The following HEPH variants were observed in gnomAD, a reference collection of about 807,000 sequenced individuals.
The protein encoded by HEPH is hephaestin.
HEPH carries 69 observed loss-of-function variants against 80.8 expected under a neutral mutation model. The ratio of observed to expected loss-of-function variants is 0.85; its 90% confidence interval spans 0.70 to 1.04. The LOEUF (loss-of-function observed/expected upper bound fraction) is 1.04, where lower values mean the gene tolerates loss of function less well. HEPH is among the 50% of genes least tolerant of loss of function. HEPH has a pLI of 0.00. For missense variants in HEPH, 1,115 were observed against 891.3 expected, an observed-to-expected ratio of 1.25 and a Z score of -3.20; for synonymous variants, 431 against 322.8, an observed-to-expected ratio of 1.34 and a Z score of -3.60.
Position 66,203,390 on chromosome X carries a change from G to A in HEPH, c.2104G>A (p.Gly702Ser), listed in dbSNP as rs1193730743. Residue 702 changes from glycine to serine, a missense_variant, in exon 13 of 21, where the codon GGC (glycine) becomes AGC (serine). By Grantham distance (56) the Gly-to-Ser change is moderately conservative. Transcript: ENST00000343002. ...LGTFEIYCQA[G>S]SHREAGMRAI... ...GACATTTGAGATTTATTGCCAGGCA[G>A]GCAGCCATCGAGAAGCAGGGATGAG... is the stretch of plus-strand genomic sequence containing the variant. 1.7e-6 allele frequency: 2 copies of A among 1,210,351 alleles called. No homozygotes were observed. Among genetic ancestry groups the A allele is most frequent in the Admixed American group, 2.2e-5 (1 of 45,965 alleles).
intron 15 of HEPH, among the ~76,000 whole-genome samples, chrX:66,238,768 G>A (rs2090458285): frequency 8.9e-6 from 1 of 111,871 alleles, no homozygotes; most frequent in Non-Finnish European, 1.9e-5. Flanking sequence ...AGCCTTCAGA[G>A]CTGAGAGCCC....
chrX:66,204,303 A>G (rs1485491609), intron 13 of HEPH, among the ~76,000 whole-genome samples: 1 of 112,244 alleles, frequency 8.9e-6, no homozygotes, highest in Non-Finnish European at 1.9e-5. Context: ...GTGCTCAGCT[A>G]AAAGTTAGGT....
At chrX:66,169,336 G>T (rs759910536) in intron 1 of HEPH, among the ~76,000 whole-genome samples, 2 of 112,083 alleles carry the variant, frequency 1.8e-5, no homozygotes, top group African/African-American at 6.5e-5. Flanking sequence ...TGTGTAAATG[G>T]AAGTGTGTGC....
chrX:66,220,447 G>T (rs1274735636), intron 15 of HEPH, among the ~76,000 whole-genome samples: 2 of 111,083 alleles, frequency 1.8e-5, no homozygotes, highest in Admixed American at 1.9e-4. Context: ...AAGGGGGTTG[G>T]TTATTACTAG....
intron 15 of HEPH, among the ~76,000 whole-genome samples, chrX:66,242,023 A>T (rs757212926): frequency 9.0e-6 from 1 of 110,607 alleles, no homozygotes; most frequent in East Asian, 2.8e-4. Flanking sequence ...ACTATTTTAA[A>T]ATATATATGA....
chrX:66,198,867 T>C lies in HEPH; in HGVS notation c.1714-11T>C. On this transcript the variant is annotated splice_polypyrimidine_tract_variant and intron_variant, in intron 10 of 20. Transcript: ENST00000343002. ...CATTATTCCCTCTACTTTCTTCTAT[T>C]GGGCCTGCAGAAAGGGGTGGATAAA... 1 of 1,170,137 alleles carries C rather than the reference T, an allele frequency of 8.5e-7. No individual in the cohort carries two copies. Among genetic ancestry groups the C allele is most frequent in the African/African-American group, 1.8e-5 (1 of 57,032 alleles).
intron 20 of HEPH, among the ~76,000 whole-genome samples, chrX:66,265,238 G>T (rs967632333): frequency 2.7e-5 from 3 of 110,638 alleles, no homozygotes; most frequent in Non-Finnish European, 5.7e-5. Context: ...TCAAACAAGT[G>T]TCAGGTACCA....
chrX:66,215,378 C>T (rs759776702), intron 15 of HEPH, among the ~76,000 whole-genome samples: 1 of 110,705 alleles, frequency 9.0e-6, no homozygotes, highest in East Asian at 2.8e-4. Context: ...TATTCCTTTC[C>T]ATTTCCATAT....
intron 20 of HEPH, among the ~76,000 whole-genome samples, chrX:66,266,001 C>T (rs1186189029): frequency 8.9e-6 from 1 of 111,973 alleles, no homozygotes; most frequent in East Asian, 2.8e-4. Flanking sequence ...GTAGCAGGTT[C>T]TTGTCATGGT....
intron 8 of HEPH, among the ~76,000 whole-genome samples, chrX:66,194,218 C>T (rs2087964848): frequency 9.0e-6 from 1 of 111,357 alleles, no homozygotes; most frequent in Admixed American, 9.6e-5. Flanking sequence ...TATAATGGAC[C>T]ATACTCGGGA....
rs184484546 is a variant in HEPH at position 66,226,238 on chromosome X, C to A, written c.2563+17992C>A. Among the ~76,000 whole-genome samples the A allele has an allele frequency of 2.0e-3, 229 of 112,215 alleles. 1 individual carries two copies. The highest frequency in any genetic ancestry group is 3.4e-3 in the Non-Finnish European group (181 of 53,209). On this transcript the variant is annotated intron_variant, in intron 15 of 20. Coordinates refer to ENST00000343002, the MANE Select transcript of HEPH (RefSeq NM_001367233.3). ...ATTCATTTCTGCCTTTTAGTTTTTA[C>A]TTCTTCTTTCTTTGGAGGCAGAAAT...
chrX:66,226,505 A>T (rs1289795656), intron 15 of HEPH, among the ~76,000 whole-genome samples: 2 of 112,172 alleles, frequency 1.8e-5, no homozygotes, highest in African/African-American at 6.5e-5. Context: ...TGAAATAAAA[A>T]ACTGGTTCTT....
chrX:66,193,117 T>C (rs1176439065), intron 7 of HEPH, among the ~76,000 whole-genome samples: 1 of 111,013 alleles, frequency 9.0e-6, no homozygotes, highest in African/African-American at 3.3e-5. Flanking sequence ...AGTGAAAGGA[T>C]TATTAATACC....
At chrX:66,206,126 C>T (rs2088759287) in intron 13 of HEPH, among the ~76,000 whole-genome samples, 1 of 110,273 alleles carries the variant, frequency 9.1e-6, no homozygotes, top group African/African-American at 3.3e-5. Context: ...TCATTCCCTC[C>T]CTATGTCTCA....
intron 17 of HEPH, 75 bp downstream of exon 17, chrX:66,256,405 G>GC: frequency 1.4e-6 from 1 of 714,672 alleles, no homozygotes; most frequent in Non-Finnish European, 2.1e-6. Flanking sequence ...TAGGCCTATT[G>GC]CTACCTAAGG....
At chrX:66,190,667 A>T (rs1283747461) in intron 6 of HEPH, among the ~76,000 whole-genome samples, 1 of 111,954 alleles carries the variant, frequency 8.9e-6, no homozygotes, top group Non-Finnish European at 1.9e-5. Context: ...TTCTAGAATT[A>T]TTTGATTTAT....
chrX:66,261,829 G>A (rs1456086207), intron 19 of HEPH, among the ~76,000 whole-genome samples: 2 of 112,132 alleles, frequency 1.8e-5, no homozygotes, highest in Non-Finnish European at 3.8e-5. Context: ...CTACTCAGGA[G>A]CTATTCCCTA....
intron 13 of HEPH, among the ~76,000 whole-genome samples, chrX:66,206,323 C>G (rs2088768941): frequency 1.6e-5 from 1 of 60,942 alleles, no homozygotes; most frequent in South Asian, 1.2e-3. Flanking sequence ...TGATGGCAAA[C>G]AAGGAAACCT....
chrX:66,215,766 G>A (rs182782705), intron 15 of HEPH, among the ~76,000 whole-genome samples: 12 of 110,977 alleles, frequency 1.1e-4, no homozygotes, highest in African/African-American at 3.3e-4. Context: ...GTGCATTGCC[G>A]CTGCAAGCTC....
Sources: allele counts gnomAD v4.1 joint callset (sites outside exome capture counted in the v4.1 genomes callset), GRCh38; gene constraint gnomAD v4.1.1; transcripts MANE v1.5; gene names NCBI Gene and HGNC (gene_info 2026-07-23, HGNC 2026-07-21).